Variants in TTLL8 observed in about 807,000 individuals in gnomAD.
The protein encoded by TTLL8 is protein monoglycylase TTLL8.
A neutral mutation model predicts 77.8 loss-of-function variants in TTLL8; 65 were observed. The ratio of observed to expected loss-of-function variants is 0.84; its 90% CI spans 0.68 to 1.03. TTLL8 has a LOEUF of 1.03. Among genes scored for constraint, TTLL8 ranks in the 50% least tolerant of loss-of-function variants. The pLI, the probability that TTLL8 is intolerant of heterozygous loss-of-function variation, is 0.00. For synonymous variants in TTLL8, 402 were observed against 422.8 expected (o/e 0.95, Z 0.60); for missense variants, 910 against 1,004.5 (o/e 0.91, Z 1.27).
At chr22:50,056,996 T>A, upstream of TTLL8, 1 of 1,286,528 alleles carries the variant, frequency 7.8e-7, no homozygotes, top group Non-Finnish European at 1.0e-6. The surrounding 1 kb of genome is among the most constrained non-coding windows in gnomAD (Gnocchi z 4.1). Flanking sequence ...GTGTGGTGGT[T>A]ACAGGAAACT....
intron 10 of TTLL8, among the ~76,000 whole-genome samples, chr22:50,032,937 C>G (rs1408747626): frequency 1.3e-5 from 2 of 152,240 alleles, no homozygotes; most frequent in Non-Finnish European, 2.9e-5. Context: ...TGGGCACAGG[C>G]AAAATGGTGC....
chr22:50,018,661 T>C (rs990795273), intron 12 of TTLL8, among the ~76,000 whole-genome samples: 2 of 151,902 alleles, frequency 1.3e-5, no homozygotes, highest in African/African-American at 4.8e-5. Flanking sequence ...CCTTGGAGAG[T>C]GATGGCTGAC....
chr22:50,027,884 C>T lies in TTLL8; in HGVS notation c.2203+2546G>A, dbSNP rs952738800. On this transcript the variant is annotated intron_variant, in intron 12 of 13. Transcript: ENST00000266182. ...TGCCCTCGAGGGCCTGACCGCGAAA[C>T]GCTCGTACGCACGGGTTGGAGTTGT... 9.5e-6 allele frequency: 8 copies of T among 843,806 alleles called. No individual in the cohort carries two copies. The Admixed American group carries it at 1.9e-4, about 20-fold the overall frequency. The allele number at this position is 843,806 out of a possible 1,614,324, so 52.3% of individuals were successfully genotyped here.
intron 3 of TTLL8, 185 bp downstream of exon 5, chr22:50,049,064 G>T (rs2061429200): frequency 2.5e-6 from 2 of 813,026 alleles, no homozygotes; most frequent in Non-Finnish European, 1.5e-6. Context: ...GCACCGAAGG[G>T]CTCGCCCCAC....
Position 50,023,345 on chromosome 22 carries a change from A to G in TTLL8, c.2204-6783T>C, listed in dbSNP as rs896921430. ...ATATCAATTCTCCCCAAAATGATCT[A>G]TAGATTTGACACAATCTCAATAAAC... On this transcript the variant is annotated intron_variant, in intron 12 of 13. Transcript: ENST00000266182. 9.2e-5 allele frequency among the ~76,000 whole-genome samples: 14 copies of G among 152,348 alleles called. No individual in the cohort carries two copies. The East Asian group carries it at 1.5e-3, about 17-fold the overall frequency.
rs1345941439 is a variant in TTLL8, at chr22:50,034,211, C to T, written c.1039+134G>A. The T allele has an allele frequency of 2.3e-5, 26 of 1,137,922 alleles. No individual in the cohort carries two copies. Among genetic ancestry groups the T allele is most frequent in the East Asian group, 5.9e-5 (1 of 16,978 alleles). The allele number at this position is 1,137,922 out of a possible 1,614,324, so 70.5% of individuals were successfully genotyped here. On this transcript the variant is annotated intron_variant, in intron 9 of 13. Transcript: ENST00000266182. The surrounding 1 kb of genome is among the most constrained non-coding windows in gnomAD (Gnocchi z 4.1). Reference sequence around the variant, plus strand: ...TCCAGCGCCTGAGTCCTGACCCCCACGCCTGCCTCGGCGTTCTGCTCCCTC... The same window carrying T: ...TCCAGCGCCTGAGTCCTGACCCCCATGCCTGCCTCGGCGTTCTGCTCCCTC...
In TTLL8 at chr22:50,045,936, C is replaced by T; in HGVS notation, c.428G>A (p.Trp143Ter). The change falls in exon 5 of 14, where the codon TGG becomes TAG. Residue 143 changes from tryptophan to a stop codon, truncating the protein, a stop_gained. Transcript: ENST00000266182. LOFTEE classifies it high-confidence loss of function. The stretch of plus-strand genomic sequence containing the variant: ...GGAGTCGGGGTTGGCCGGGACGTAC[C>T]AGGGCAGGCTCCGCATGTTCACGCA... The T allele has an allele frequency of 7.3e-7, 1 of 1,361,206 alleles. No individual in the cohort carries two copies. Among genetic ancestry groups the T allele is most frequent in the Non-Finnish European group, 9.8e-7 (1 of 1,020,404 alleles). 84.3% of individuals were successfully genotyped at this position (1,361,206 alleles called of 1,614,324 possible). A position where few individuals can be genotyped will look rare whatever the true frequency, so the allele number is the denominator to read the frequency against.
At chr22:50,056,473 G>T (rs977094448), upstream of TTLL8, among the ~76,000 whole-genome samples, 1 of 152,134 alleles carries the variant, frequency 6.6e-6, no homozygotes, top group Non-Finnish European at 1.5e-5. The surrounding 1 kb of genome is among the most constrained non-coding windows in gnomAD (Gnocchi z 4.1). Context: ...CTAAGTATGC[G>T]CCTGCCATGT....
chr22:50,051,781 G>A (rs1292264083), intron 1 of TTLL8, among the ~76,000 whole-genome samples: 1 of 152,178 alleles, frequency 6.6e-6, no homozygotes, highest in African/African-American at 2.4e-5. Flanking sequence ...ATTTCCCTGA[G>A]AATTAGTGAT....
chr22:50,045,660 C>T (rs142768749), intron 5 of TTLL8, 196 bp downstream of exon 7: 1 of 719,288 alleles, frequency 1.4e-6, no homozygotes, highest in Non-Finnish European at 1.7e-6. Context: ...TAGCACAGAA[C>T]CACACACTCC....
In TTLL8 at chr22:50,044,071, T is replaced by G. The variant is rs1367828539; in HGVS notation, c.643+1184A>C. Reference sequence around the variant, plus strand: ...CAGGTACGGTGGATCAAGCCTGTAATCCCAGCACTGTGGGAGGCCGAGGTG... The same window carrying G: ...CAGGTACGGTGGATCAAGCCTGTAAGCCCAGCACTGTGGGAGGCCGAGGTG... On this transcript the variant is annotated intron_variant, in intron 6 of 13. Transcript: ENST00000266182. This position sits in a 1 kb window ranked among gnomAD's most constrained non-coding sequence, Gnocchi z 4.2. Among the ~76,000 whole-genome samples, 1 of 152,182 alleles carries G rather than the reference T, an allele frequency of 6.6e-6. No homozygotes were observed. Among genetic ancestry groups the G allele is most frequent in the African/African-American group, 2.4e-5 (1 of 41,440 alleles).
chr22:50,057,244 A>G (rs1473744205), upstream of TTLL8, among the ~76,000 whole-genome samples: 59 of 44,646 alleles, frequency 1.3e-3, no homozygotes, highest in East Asian at 2.9e-3. Flanking sequence ...GTCTGGGTTG[A>G]GGGATCAGTT....
chr22:50,057,423 T>G (rs1601944103), upstream of TTLL8, among the ~76,000 whole-genome samples: 1 of 60,730 alleles, frequency 1.6e-5, no homozygotes, highest in Non-Finnish European at 3.1e-5. Context: ...GAGGTCTGGG[T>G]TGGGGGTCAG....
In TTLL8 at chr22:50,034,582, T is replaced by C; in HGVS notation, c.922-120A>G. On this transcript the variant is annotated intron_variant, in intron 8 of 13. Coordinates refer to ENST00000266182, the Ensembl canonical transcript of TTLL8. This position sits in a 1 kb window ranked among gnomAD's most constrained non-coding sequence, Gnocchi z 4.1. The stretch of plus-strand genomic sequence containing the variant: ...CTCACCCACCAAGCAGGCGCTCGGC[T>C]CTAGGATGGTCTGGGGCTGGCCTGG... 1 of 1,087,858 alleles carries C rather than the reference T, an allele frequency of 9.2e-7. No individual in the cohort carries two copies. Among genetic ancestry groups the C allele is most frequent in the Non-Finnish European group, 1.2e-6 (1 of 822,030 alleles). The allele number at this position is 1,087,858 out of a possible 1,614,324, so 67.4% of individuals were successfully genotyped here.
At chr22:50,045,217 C>T (rs1395196214) in intron 6 of TTLL8, 38 bp downstream of exon 8, 1 of 1,337,478 alleles carries the variant, frequency 7.5e-7, no homozygotes, top group Admixed American at 2.0e-5. Flanking sequence ...GCCCCGAGCT[C>T]TGGTGGCCTG....
upstream of TTLL8, among the ~76,000 whole-genome samples, chr22:50,056,471 G>A (rs552739142): frequency 2.6e-5 from 4 of 152,166 alleles, no homozygotes; most frequent in African/African-American, 7.2e-5. This position sits in a 1 kb window ranked among gnomAD's most constrained non-coding sequence, Gnocchi z 4.1. Context: ...AGCTAAGTAT[G>A]CGCCTGCCAT....
Position 50,034,309 on chromosome 22 carries a change from T to G in TTLL8, c.1039+36A>C. 1 of 1,342,684 alleles carries G rather than the reference T, an allele frequency of 7.4e-7. No individual in the cohort carries two copies. Among genetic ancestry groups the G allele is most frequent in the Non-Finnish European group, 9.9e-7 (1 of 1,007,968 alleles). The allele number at this position is 1,342,684 out of a possible 1,614,324, so 83.2% of individuals were successfully genotyped here. On this transcript the variant is annotated intron_variant, in intron 9 of 13. Transcript: ENST00000266182. This position sits in a 1 kb window ranked among gnomAD's most constrained non-coding sequence, Gnocchi z 4.1. ...GGCTCCTGGCATCAAGTGTGGCCGT[T>G]GGTGGCTATGAACGCGGTGCAGGGA... is the stretch of plus-strand genomic sequence containing the variant.
chr22:50,030,894 G>A (rs1422742994), exon 12 of TTLL8: 2 of 1,323,420 alleles, frequency 1.5e-6, no homozygotes, highest in South Asian at 1.2e-5. Context: ...GCAGAGGTCG[G>A]ACCCGCTGAA....
chr22:50,029,586 C>A (rs1251064323), intron 12 of TTLL8, among the ~76,000 whole-genome samples: 2 of 152,132 alleles, frequency 1.3e-5, no homozygotes, highest in Non-Finnish European at 2.9e-5. Context: ...TAAAAATTAG[C>A]CGGGCGCGGT....
Sources: allele counts gnomAD v4.1 joint callset (sites outside exome capture counted in the v4.1 genomes callset), GRCh38; gene constraint gnomAD v4.1.1; non-coding constraint Gnocchi (gnomAD v3.1); transcripts MANE v1.5; gene names NCBI Gene and HGNC (gene_info 2026-07-23, HGNC 2026-07-21).